The following SUFU variants were observed in gnomAD, a reference collection of about 807,000 sequenced individuals.
SUFU encodes the protein SUFU negative regulator of hedgehog signaling, also known as suppressor of fused homolog.
In SUFU, 7 loss-of-function variants were observed where a neutral mutation model predicts 58.9. That is an observed-to-expected ratio of 0.12 (90% confidence interval 0.07 to 0.22). SUFU has a LOEUF of 0.22. Ranked by LOEUF, SUFU falls within the 10% of genes least tolerant of loss-of-function variation. The pLI is 1.00. For missense variants in SUFU, 451 were observed against 641.3 expected, an observed-to-expected ratio of 0.70 and a Z score of 3.20; for synonymous variants, 232 against 254.8, an observed-to-expected ratio of 0.91 and a Z score of 0.85.
chr10:102,610,657 G>A (rs2063613630), intron 8 of SUFU, among the ~76,000 whole-genome samples: 1 of 152,146 alleles, frequency 6.6e-6, no homozygotes, highest in Non-Finnish European at 1.5e-5. Context: ...GCCCTTTCCT[G>A]TTTACTTTTT....
At chr10:102,570,033 G>C (rs192777333) in intron 3 of SUFU, among the ~76,000 whole-genome samples, 32 of 152,250 alleles carry the variant, frequency 2.1e-4, no homozygotes, top group Non-Finnish European at 3.8e-4. Context: ...TCAGAATAGA[G>C]AGCTAGAAAG....
intron 2 of SUFU, among the ~76,000 whole-genome samples, chr10:102,542,845 G>A (rs969619199): frequency 7.9e-5 from 12 of 151,964 alleles, no homozygotes; most frequent in Non-Finnish European, 7.4e-5. Flanking sequence ...GCCTGGTGTC[G>A]AATTCCTGGG....
chr10:102,549,092 T>C (rs941242122), intron 2 of SUFU, among the ~76,000 whole-genome samples: 2 of 152,148 alleles, frequency 1.3e-5, no homozygotes, highest in Non-Finnish European at 2.9e-5. Context: ...CCACAAATGC[T>C]GAGTCTGGAG....
At chr10:102,553,890 T>G (rs2062946726) in intron 3 of SUFU, among the ~76,000 whole-genome samples, 1 of 152,188 alleles carries the variant, frequency 6.6e-6, no homozygotes, top group African/African-American at 2.4e-5. Context: ...GCCCAGGAGT[T>G]CAGGACCAGC....
intron 2 of SUFU, among the ~76,000 whole-genome samples, chr10:102,525,491 A>C (rs918448625): frequency 6.9e-6 from 1 of 144,370 alleles, no homozygotes; most frequent in African/African-American, 2.6e-5. Context: ...CACTTAATTT[A>C]TTTTCTTTTT....
At chr10:102,503,873 G>A (rs186314614), upstream of SUFU, 842 of 425,058 alleles carry the variant, frequency 2.0e-3, 9 homozygotes, top group African/African-American at 0.016. Context: ...CACCTTCCCT[G>A]CCTGTGACTG....
intron 2 of SUFU, among the ~76,000 whole-genome samples, chr10:102,535,989 CAG>C (rs2062735993): frequency 6.6e-6 from 1 of 151,868 alleles, no homozygotes; most frequent in Admixed American, 6.6e-5. Flanking sequence ...GATTTTAAGA[CAG>C]AGTCTTGCTC....
intron 10 of SUFU, among the ~76,000 whole-genome samples, chr10:102,626,267 C>T (rs573838910): frequency 5.3e-5 from 8 of 151,892 alleles, no homozygotes; most frequent in African/African-American, 9.7e-5. Flanking sequence ...AGCAGCCTGA[C>T]GAGAGGGGTG....
At chr10:102,511,946 A>C (rs1393243717) in intron 2 of SUFU, among the ~76,000 whole-genome samples, 1 of 152,200 alleles carries the variant, frequency 6.6e-6, no homozygotes, top group Non-Finnish European at 1.5e-5. Flanking sequence ...GCCTGGGCTG[A>C]AGCGATCTTC....
chr10:102,528,949 C>A (rs899977009), intron 2 of SUFU, among the ~76,000 whole-genome samples: 32 of 132,392 alleles, frequency 2.4e-4, no homozygotes, highest in Non-Finnish European at 4.4e-4. Flanking sequence ...GCTGATGTGG[C>A]TTTTTTCCTT....
chr10:102,558,493 G>C, intron 3 of SUFU, among the ~76,000 whole-genome samples: 1 of 152,162 alleles, frequency 6.6e-6, no homozygotes, highest in East Asian at 1.9e-4. Context: ...CTACACATGC[G>C]AGCCACTGCG....
chr10:102,553,962 G>A (rs939428599), intron 3 of SUFU, among the ~76,000 whole-genome samples: 1 of 152,146 alleles, frequency 6.6e-6, no homozygotes, highest in Admixed American at 6.6e-5. Flanking sequence ...TTGTGGTGAC[G>A]CGTGCTTGTG....
intron 2 of SUFU, among the ~76,000 whole-genome samples, chr10:102,547,691 G>A (rs1032707131): frequency 6.6e-6 from 1 of 152,284 alleles, no homozygotes; most frequent in East Asian, 1.9e-4. Context: ...ACATGGTGGT[G>A]CACACCTGTG....
intron 3 of SUFU, among the ~76,000 whole-genome samples, chr10:102,580,029 A>AAC (rs2063257845): frequency 1.2e-5 from 1 of 84,660 alleles, no homozygotes; most frequent in Non-Finnish European, 2.5e-5. Flanking sequence ...CCTCCCCCGC[A>AAC]CCCCCCCCCC....
chr10:102,592,867 A>C lies in SUFU; in HGVS notation c.597+143A>C, dbSNP rs2063418623. ...TTTCTGTTTCCTCTGATGGTTTGTC[A>C]GGTAGATTCAGATGGTCTGATTTAA... On this transcript the variant is annotated intron_variant, in intron 4 of 11. Coordinates refer to ENST00000369902, the MANE Select transcript of SUFU (RefSeq NM_016169.4). The C allele has an allele frequency of 6.2e-6, 6 of 965,292 alleles. No homozygotes were observed. In the Admixed American group the frequency reaches 1.2e-4, roughly 19 times the overall value. 59.8% of individuals were successfully genotyped at this position (965,292 alleles called of 1,614,324 possible). A position where few individuals can be genotyped will look rare whatever the true frequency, so the allele number is the denominator to read the frequency against.
chr10:102,541,869 C>A lies in SUFU; in HGVS notation c.318-8101C>A, dbSNP rs1194661397. Among the ~76,000 whole-genome samples, 3 of 138,280 alleles carry A rather than the reference C, an allele frequency of 2.2e-5. No homozygotes were observed. In the South Asian group the frequency reaches 7.1e-4, roughly 33 times the overall value. The allele number at this position is 138,280 out of a possible 152,430, so 90.7% of individuals were successfully genotyped here. On this transcript the variant is annotated intron_variant, in intron 2 of 11. Transcript: ENST00000369902. ...GATTGCAGGTGTACACCGCCATGCC[C>A]GGCTAATTTTTTTTTTTTTTTTTTT...
chr10:102,514,277 C>T (rs753511447), intron 2 of SUFU, among the ~76,000 whole-genome samples: 28 of 152,096 alleles, frequency 1.8e-4, no homozygotes, highest in Non-Finnish European at 3.4e-4. Context: ...CAGGCAGAAG[C>T]GAGGGGTCCT....
chr10:102,506,507 T>A, intron 1 of SUFU, among the ~76,000 whole-genome samples: 1 of 152,310 alleles, frequency 6.6e-6, no homozygotes, highest in East Asian at 1.9e-4. Flanking sequence ...GCCTCCCAAG[T>A]AGCTGATATT....
intron 2 of SUFU, among the ~76,000 whole-genome samples, chr10:102,526,422 G>A (rs1300975575): frequency 6.6e-6 from 1 of 151,210 alleles, no homozygotes; most frequent in Non-Finnish European, 1.5e-5. Flanking sequence ...GCATGGTGGT[G>A]CGTGCCTGTA....
Sources: allele counts gnomAD v4.1 joint callset (sites outside exome capture counted in the v4.1 genomes callset), GRCh38; gene constraint gnomAD v4.1.1; transcripts MANE v1.5; gene names NCBI Gene and HGNC (gene_info 2026-07-23, HGNC 2026-07-21).